DDX46: variants seen among roughly 807,000 people sequenced by gnomAD.
DDX46 encodes the protein probable ATP-dependent RNA helicase DDX46.
A neutral mutation model predicts 134.9 loss-of-function variants in DDX46; 30 were observed. That is an observed-to-expected ratio of 0.22 (90% CI 0.17 to 0.30). The LOEUF is 0.30. Ranked by LOEUF, DDX46 falls within the 10% of genes least tolerant of loss-of-function variation. The probability of loss-of-function intolerance (pLI) is 1.00; values close to 1 mark genes in which losing one functional copy is unlikely to be tolerated. For missense variants in DDX46, 622 were observed against 1,248.7 expected, an observed-to-expected ratio of 0.50 and a Z score of 7.56; for synonymous variants, 415 against 404.1, an observed-to-expected ratio of 1.03 and a Z score of -0.32.
At chr5:134,767,668 AGGCCAGGCGCGGT>A (rs1753618386) in intron 3 of DDX46, among the ~76,000 whole-genome samples, 1 of 151,616 alleles carries the variant, frequency 6.6e-6, no homozygotes, top group Non-Finnish European at 1.5e-5. Flanking sequence ...TTAAGAAATT[AGGCCAGGCGCGGT>A]GGCTGACGCC....
At chr5:134,784,197 C>T (rs1754263408) in intron 9 of DDX46, among the ~76,000 whole-genome samples, 169 bp from the exon 10 acceptor site, 1 of 152,086 alleles carries the variant, frequency 6.6e-6, no homozygotes, top group Non-Finnish European at 1.5e-5. Flanking sequence ...AAAGATTAGT[C>T]CATATTGTAG....
In DDX46 at chr5:134,773,772, G is replaced by T; in HGVS notation, c.524G>T (p.Arg175Leu). The change falls in exon 5 of 23, where the codon CGT becomes CTT. Residue 175 changes from arginine (R) to leucine (L), a missense_variant. Physicochemically the swap from Arg to Leu is moderately radical, Grantham distance 102 (BLOSUM62 -2). Coordinates refer to ENST00000452510, the MANE Select transcript of DDX46 (RefSeq NM_001300860.2). Reference protein sequence around the residue: ...ERVEKWREEQRKKAMENIGEL... With the variant: ...ERVEKWREEQLKKAMENIGEL... Reference sequence around the variant, plus strand: ...GTAGAAAAATGGCGAGAAGAGCAACGTAAAAAGGCTATGGAAAACATAGGA... The same window carrying T: ...GTAGAAAAATGGCGAGAAGAGCAACTTAAAAAGGCTATGGAAAACATAGGA... 1 of 1,613,270 alleles carries T rather than the reference G, an allele frequency of 6.2e-7. No individual in the cohort carries two copies. The highest frequency in any genetic ancestry group is 8.5e-7 in the Non-Finnish European group (1 of 1,179,660).
chr5:134,764,393 A>T (rs1421686632), intron 2 of DDX46, among the ~76,000 whole-genome samples: 2 of 151,552 alleles, frequency 1.3e-5, no homozygotes, highest in Non-Finnish European at 2.9e-5. Context: ...AGCGATTCTC[A>T]TGCCTAAGCC....
intron 13 of DDX46, 22 bp from the exon 14 acceptor site, chr5:134,794,828 T>A (rs1166992431): frequency 6.2e-7 from 1 of 1,612,090 alleles, no homozygotes. Flanking sequence ...CATATTTATT[T>A]GTAATGTTTT....
intron 12 of DDX46, among the ~76,000 whole-genome samples, chr5:134,788,844 G>A (rs1245150547): frequency 2.1e-5 from 3 of 144,102 alleles, no homozygotes; most frequent in African/African-American, 5.2e-5. Context: ...GTAAGACTCC[G>A]TCTCAAAAAA....
At chr5:134,816,260 A>G (rs1333544912) in intron 18 of DDX46, among the ~76,000 whole-genome samples, 170 bp from the exon 19 acceptor site, 6 of 152,214 alleles carry the variant, frequency 3.9e-5, no homozygotes, top group Admixed American at 3.9e-4. Context: ...GTGACTTTTA[A>G]CAAATAGGTG....
chr5:134,783,153 A>G, intron 9 of DDX46, 88 bp downstream of exon 9: 1 of 1,488,512 alleles, frequency 6.7e-7, no homozygotes, highest in Non-Finnish European at 9.0e-7. Flanking sequence ...TTACATTTTT[A>G]CTCTAAAAAA....
In DDX46 at chr5:134,829,354, A is replaced by G. The variant is rs979695893; in HGVS notation, c.*648A>G. On this transcript the variant is annotated 3_prime_UTR_variant, in exon 23 of 23. Coordinates refer to ENST00000452510, the MANE Select transcript of DDX46 (RefSeq NM_001300860.2). ...GTAAAACTCTACAAAGAGTTATAGT[A>G]TTTACTACTTTGAGGTTTCCCTCAC... is the stretch of plus-strand genomic sequence containing the variant. 1 of 152,172 alleles carries G rather than the reference A, an allele frequency of 6.6e-6. No individual in the cohort carries two copies. The highest frequency in any genetic ancestry group is 2.4e-5 in the African/African-American group (1 of 41,440). 9.4% of individuals were successfully genotyped at this position (152,172 alleles called of 1,614,324 possible).
intron 1 of DDX46, among the ~76,000 whole-genome samples, chr5:134,759,193 C>T (rs1753299867): frequency 6.6e-6 from 1 of 152,338 alleles, no homozygotes; most frequent in Non-Finnish European, 1.5e-5. Flanking sequence ...GGGAACAACC[C>T]TCCAGGACGT....
rs1030317354 is a variant in DDX46 at position 134,829,411 on chromosome 5, A to G, written c.*705A>G. ...TGGCTCCATACCTAGCCCCTCTTTT[A>G]TAATCTTCCTTAAAAGAAAGAGTGT... On this transcript the variant is annotated 3_prime_UTR_variant, in exon 23 of 23. Transcript: ENST00000452510. 1 of 152,202 alleles carries G rather than the reference A, an allele frequency of 6.6e-6. No homozygotes were observed. The highest frequency in any genetic ancestry group is 1.5e-5 in the Non-Finnish European group (1 of 68,046). The allele number at this position is 152,202 out of a possible 1,614,324, so 9.4% of individuals were successfully genotyped here.
intron 19 of DDX46, 62 bp downstream of exon 19, chr5:134,816,668 A>C: frequency 1.3e-6 from 2 of 1,517,456 alleles, no homozygotes; most frequent in Non-Finnish European, 1.8e-6. Flanking sequence ...TTTACTTTTC[A>C]GGAATTATGT....
At chr5:134,817,123 C>T (rs902571728) in intron 19 of DDX46, 2 of 194,092 alleles carry the variant, frequency 1.0e-5, no homozygotes, top group African/African-American at 2.4e-5. Flanking sequence ...TGAAGGAGCT[C>T]AGTGATGGTA....
chr5:134,790,218 T>C, intron 12 of DDX46: 1 of 591,288 alleles, frequency 1.7e-6, no homozygotes. Flanking sequence ...TCAGGCCCTA[T>C]GATGGTATGC....
chr5:134,827,923 A>G (rs1349439191), intron 22 of DDX46, among the ~76,000 whole-genome samples: 2 of 152,186 alleles, frequency 1.3e-5, no homozygotes, highest in East Asian at 3.8e-4. Context: ...TAGGCTAGGT[A>G]TTGCTAAATA....
chr5:134,784,177 A>G (rs189562949), intron 9 of DDX46, among the ~76,000 whole-genome samples, 189 bp from the exon 10 acceptor site: 2 of 152,262 alleles, frequency 1.3e-5, no homozygotes, highest in Non-Finnish European at 2.9e-5. Flanking sequence ...TTCACTTTAC[A>G]TAATGTTGTA....
rs141521040 is a variant in DDX46 at position 134,760,098 on chromosome 5, C to G, written c.17+1143C>G. On this transcript the variant is annotated intron_variant, in intron 1 of 22. Transcript: ENST00000452510. Reference sequence around the variant, plus strand: ...TCTGTTGCTCTCCTAATTGTTAGATCCCTTACACTACAGCCAGAGTGACAC... The same window carrying G: ...TCTGTTGCTCTCCTAATTGTTAGATGCCTTACACTACAGCCAGAGTGACAC... 2.6e-5 allele frequency among the ~76,000 whole-genome samples: 4 copies of G among 152,272 alleles called. No individual in the cohort carries two copies. The East Asian group carries it at 7.7e-4, about 29-fold the overall frequency.
At chr5:134,775,200 T>C (rs1308889802) in intron 5 of DDX46, among the ~76,000 whole-genome samples, 1 of 152,112 alleles carries the variant, frequency 6.6e-6, no homozygotes, top group East Asian at 1.9e-4. Flanking sequence ...GAGAGCCTGC[T>C]GCTTTGACCT....
At position 134,814,812 on chromosome 5, in the gene DDX46, C is replaced by T. The variant is rs1011707094; in HGVS notation, c.2437-1618C>T. On this transcript the variant is annotated intron_variant, in intron 18 of 22. Coordinates refer to ENST00000452510, the MANE Select transcript of DDX46 (RefSeq NM_001300860.2). Reference sequence around the variant, plus strand: ...TATATTTTTTGTAGAGACAAGGTTTCGCCATGTTGCCCAGGCTGGTCTTGA... The same window carrying T: ...TATATTTTTTGTAGAGACAAGGTTTTGCCATGTTGCCCAGGCTGGTCTTGA... Among the ~76,000 whole-genome samples, 5 of 152,152 alleles carry T rather than the reference C, an allele frequency of 3.3e-5. No individual in the cohort carries two copies. In the East Asian group the frequency reaches 5.8e-4, roughly 18 times the overall value.
chr5:134,790,939 C>T (rs1054633414), intron 13 of DDX46, among the ~76,000 whole-genome samples: 3 of 152,028 alleles, frequency 2.0e-5, no homozygotes, highest in African/African-American at 4.8e-5. Flanking sequence ...ATTCTCCTGC[C>T]TCAGCCTCCC....
Sources: gnomAD v4.1 joint callset for allele counts (sites outside exome capture counted in the v4.1 genomes callset) on GRCh38, gnomAD v4.1.1 for gene constraint, MANE v1.5 for transcripts, NCBI Gene and HGNC (gene_info 2026-07-23, HGNC 2026-07-21) for gene names.